TXK: variants seen among roughly 807,000 people sequenced by gnomAD.
TXK encodes the protein TXK tyrosine kinase.
A neutral mutation model predicts 81.0 loss-of-function variants in TXK; 60 were observed. That is an observed-to-expected ratio of 0.74 (90% CI 0.60 to 0.92). TXK has a LOEUF of 0.92. Among genes scored for constraint, TXK ranks in the 40% least tolerant of loss-of-function variants. The pLI is 0.00. For synonymous variants in TXK, 203 were observed against 210.7 expected (o/e 0.96, Z 0.32); for missense variants, 581 against 638.3 (o/e 0.91, Z 0.97).
At chr4:48,098,549 C>A (rs1718070315) in intron 6 of TXK, among the ~76,000 whole-genome samples, 1 of 151,956 alleles carries the variant, frequency 6.6e-6, no homozygotes, top group African/African-American at 2.4e-5. Flanking sequence ...CTTCTAGTAT[C>A]AATTTTTAAA....
chr4:48,093,361 A>G (rs1319434376), intron 8 of TXK, among the ~76,000 whole-genome samples: 1 of 152,260 alleles, frequency 6.6e-6, no homozygotes, highest in Non-Finnish European at 1.5e-5. Context: ...AATGACATGA[A>G]AAGTTACCGT....
At chr4:48,080,880 A>T (rs952795855) in intron 10 of TXK, among the ~76,000 whole-genome samples, 8 of 152,274 alleles carry the variant, frequency 5.3e-5, no homozygotes, top group African/African-American at 1.9e-4. Context: ...TAATTTTAGA[A>T]GATGTACCTT....
chr4:48,123,001 C>T (rs1202043407), intron 1 of TXK, among the ~76,000 whole-genome samples: 2 of 152,182 alleles, frequency 1.3e-5, no homozygotes, highest in African/African-American at 4.8e-5. Flanking sequence ...GCCTGGAAGC[C>T]ATTGGAAAAT....
chr4:48,081,359 C>T (rs1277117970), intron 10 of TXK, among the ~76,000 whole-genome samples: 3 of 152,074 alleles, frequency 2.0e-5, no homozygotes, highest in Admixed American at 6.6e-5. Context: ...TATCAGAAAT[C>T]AGGCAAAAAC....
At chr4:48,079,260 G>GGA (rs1483103620) in intron 11 of TXK, among the ~76,000 whole-genome samples, 1 of 152,176 alleles carries the variant, frequency 6.6e-6, no homozygotes, top group Non-Finnish European at 1.5e-5. Flanking sequence ...TTCCTTTGTA[G>GGA]GACAGACAAA....
At position 48,094,121 on chromosome 4, in the gene TXK, T is replaced by G. The variant is rs780007278; in HGVS notation, c.665A>C (p.Gln222Pro). The G allele has an allele frequency of 8.7e-6, 14 of 1,613,726 alleles. No homozygotes were observed. Among genetic ancestry groups the G allele is most frequent in the Non-Finnish European group, 1.2e-5 (14 of 1,180,044 alleles). The change falls in exon 8 of 15, where the codon CAA (glutamine) becomes CCA (proline). Residue 222 changes from glutamine to proline, a missense_variant. Transcript: ENST00000264316. ...ATACCAGATTAACTCAGGGATTGATTGAAAGGCGTGTCTTTCAGCCACATA... is the reference window on the plus strand; with the variant it reads ...ATACCAGATTAACTCAGGGATTGATGGAAAGGCGTGTCTTTCAGCCACATA... The part of the protein sequence containing the change: ...QWYVAERHAF[Q>P]SIPELIWYHQ...
chr4:48,126,808 A>G (rs1345744932), intron 1 of TXK, among the ~76,000 whole-genome samples: 4 of 152,148 alleles, frequency 2.6e-5, no homozygotes, highest in Non-Finnish European at 5.9e-5. Context: ...TGGCCAAGTC[A>G]AGAACTTTGA....
intron 8 of TXK, among the ~76,000 whole-genome samples, chr4:48,092,871 C>G (rs1158629749): frequency 6.6e-6 from 1 of 152,118 alleles, no homozygotes; most frequent in Non-Finnish European, 1.5e-5. Context: ...GTGAGGTACA[C>G]AGACAGGGGA....
In TXK at chr4:48,089,764, G is replaced by C; in HGVS notation, c.770C>G (p.Ala257Gly). ...GLMGSCLPAT[A>G]GFSYEKWEID... ...GCACACTTTACCGTAGCTAAACCCA[G>C]CTGTGGCTGGTAAACAACTGCCCAT... is the stretch of plus-strand genomic sequence containing the variant. The change falls in exon 9 of 15, where the codon GCT becomes GGT. Residue 257 changes from alanine (A) to glycine (G), a missense_variant. Physicochemically the swap from Ala to Gly is moderately conservative, Grantham distance 60 (BLOSUM62 0). Coordinates refer to ENST00000264316, the MANE Select transcript of TXK (RefSeq NM_003328.3). 1 of 1,613,472 alleles carries C rather than the reference G, an allele frequency of 6.2e-7. No homozygotes were observed. The highest frequency in any genetic ancestry group is 8.5e-7 in the Non-Finnish European group (1 of 1,179,536).
chr4:48,089,008 T>G (rs111999106), intron 9 of TXK, among the ~76,000 whole-genome samples: 7 of 152,286 alleles, frequency 4.6e-5, no homozygotes, highest in African/African-American at 1.7e-4. Context: ...TGCTAGAAAG[T>G]GGTTCAAATT....
At chr4:48,091,439 G>T (rs1325181455) in intron 8 of TXK, among the ~76,000 whole-genome samples, 1 of 152,144 alleles carries the variant, frequency 6.6e-6, no homozygotes, top group African/African-American at 2.4e-5. Context: ...ACATTTTCCT[G>T]CAGGTGAGAG....
chr4:48,091,140 A>T (rs2109428871), intron 8 of TXK, among the ~76,000 whole-genome samples: 1 of 152,350 alleles, frequency 6.6e-6, no homozygotes, highest in South Asian at 2.1e-4. Context: ...CTGGAGATGC[A>T]TATAGGGTGC....
At chr4:48,075,367 C>T (rs75758553) in intron 12 of TXK, among the ~76,000 whole-genome samples, 1,618 of 152,006 alleles carry the variant, frequency 0.011, 12 homozygotes, top group Non-Finnish European at 0.016. Context: ...TCATAAAGAA[C>T]GCCGGCCAGG....
At chr4:48,129,057 C>T (rs796657413) in intron 1 of TXK, among the ~76,000 whole-genome samples, 11 of 152,066 alleles carry the variant, frequency 7.2e-5, no homozygotes, top group African/African-American at 2.7e-4. Context: ...AGTTAGACAC[C>T]AAACCAAGAC....
rs557218719 is a variant in TXK at position 48,118,072 on chromosome 4, G to A, written c.17-3670C>T. 2.6e-5 allele frequency among the ~76,000 whole-genome samples: 4 copies of A among 152,252 alleles called. No individual in the cohort carries two copies. The South Asian group carries it at 8.3e-4, about 32-fold the overall frequency. On this transcript the variant is annotated intron_variant, in intron 1 of 14. Transcript: ENST00000264316. ...TCCTTGTCACCAATCTCCCAATTTT[G>A]TTCCTTCCAAATTGGCAGACCAATT... is the stretch of plus-strand genomic sequence containing the variant.
intron 1 of TXK, among the ~76,000 whole-genome samples, chr4:48,115,659 C>A (rs980564483): frequency 1.3e-5 from 2 of 152,016 alleles, no homozygotes; most frequent in Non-Finnish European, 2.9e-5. Flanking sequence ...TCAGCCTGGG[C>A]AACATGGCAG....
In TXK at chr4:48,123,744, C is replaced by T. The variant is rs141474491; in HGVS notation, c.17-9342G>A. ...CTGAATCTAGAGTCTCTGCTCTGAG[C>T]TGTCTCCTTCGATTCACCCCATATA... On this transcript the variant is annotated intron_variant, in intron 1 of 14. Transcript: ENST00000264316. Among the ~76,000 whole-genome samples the T allele has an allele frequency of 1.9e-3, 283 of 152,304 alleles. 2 individuals are homozygous for T. The highest frequency in any genetic ancestry group is 6.4e-3 in the African/African-American group (265 of 41,562).
chr4:48,127,867 T>C lies in TXK; in HGVS notation c.16+6288A>G, dbSNP rs1210836766. ...GAAGGATTTGCGCCCCTCTGTCCTC[T>C]AGGAGAGGCTCCTATTGACATTCCT... On this transcript the variant is annotated intron_variant, in intron 1 of 14. Coordinates refer to ENST00000264316, the MANE Select transcript of TXK (RefSeq NM_003328.3). 2.2e-4 allele frequency among the ~76,000 whole-genome samples: 33 copies of C among 152,204 alleles called. 1 individual carries two copies. Among genetic ancestry groups the C allele is most frequent in the Admixed American group, 2.0e-3 (31 of 15,276 alleles).
chr4:48,129,297 T>C (rs1719179087), intron 1 of TXK, among the ~76,000 whole-genome samples: 1 of 152,214 alleles, frequency 6.6e-6, no homozygotes. Context: ...TCTAAATGTA[T>C]GGATAAAATA....
Sources: gnomAD v4.1 joint callset for allele counts (sites outside exome capture counted in the v4.1 genomes callset) on GRCh38, gnomAD v4.1.1 for gene constraint, MANE v1.5 for transcripts, NCBI Gene and HGNC (gene_info 2026-07-23, HGNC 2026-07-21) for gene names.